The following TNS1 variants were observed in gnomAD, a reference collection of about 807,000 sequenced individuals.
TNS1 encodes tensin 1, also known as tensin-1.
Under a neutral mutation model 168.6 loss-of-function variants are expected in TNS1, and 62 were observed. The observed-to-expected ratio is 0.37, with a 90% CI of 0.30 to 0.45. The LOEUF is 0.45. TNS1 is among the 20% of genes least tolerant of loss of function. The pLI, the probability that TNS1 is intolerant of heterozygous loss-of-function variation, is 1.00. For synonymous variants in TNS1, 934 were observed against 933.2 expected (o/e 1.00, Z -0.02); for missense variants, 2,240 against 2,339.4 (o/e 0.96, Z 0.88).
intron 1 of TNS1, among the ~76,000 whole-genome samples, chr2:217,994,981 G>T (rs1958441882): frequency 6.6e-6 from 1 of 152,206 alleles, no homozygotes; most frequent in Non-Finnish European, 1.5e-5. Context: ...ATGAAAATGA[G>T]GAGTTTGGAC....
intron 12 of TNS1, among the ~76,000 whole-genome samples, chr2:217,888,149 C>T (rs1398900776): frequency 6.6e-6 from 1 of 152,226 alleles, no homozygotes; most frequent in Non-Finnish European, 1.5e-5. Flanking sequence ...ATTACTCAAG[C>T]CGGAAACCTG....
chr2:217,937,706 C>A (rs1956695827), intron 3 of TNS1, among the ~76,000 whole-genome samples: 7 of 152,118 alleles, frequency 4.6e-5, no homozygotes, highest in Admixed American at 4.6e-4. Flanking sequence ...CCCACCCCTG[C>A]ACCTTTCAGC....
intron 3 of TNS1, among the ~76,000 whole-genome samples, chr2:217,949,595 C>T (rs913902322): frequency 6.6e-6 from 1 of 152,180 alleles, no homozygotes; most frequent in African/African-American, 2.4e-5. Flanking sequence ...TCCTAGCCAG[C>T]AAGCAAAGGG....
intron 3 of TNS1, among the ~76,000 whole-genome samples, chr2:217,953,202 G>T (rs1327003652): frequency 6.6e-6 from 1 of 152,176 alleles, no homozygotes; most frequent in East Asian, 1.9e-4. Flanking sequence ...TGGGCTCCAG[G>T]AGCAGCACAG....
chr2:217,863,742 A>G (rs569865094), intron 18 of TNS1, among the ~76,000 whole-genome samples: 2 of 152,304 alleles, frequency 1.3e-5, no homozygotes. Context: ...ACAGCCATCA[A>G]GGAAGAGAAA....
chr2:217,932,964 C>T (rs556263359), intron 3 of TNS1, among the ~76,000 whole-genome samples: 6 of 152,268 alleles, frequency 3.9e-5, no homozygotes, highest in African/African-American at 1.4e-4. Flanking sequence ...GCACCAGGAG[C>T]CCCCGCAAGC....
At chr2:217,824,028 G>A (rs1943258846) in intron 22 of TNS1, among the ~76,000 whole-genome samples, 1 of 152,178 alleles carries the variant, frequency 6.6e-6, no homozygotes, top group Admixed American at 6.5e-5. Context: ...ACACTTTTTT[G>A]TAAAGACTTA....
intron 18 of TNS1, among the ~76,000 whole-genome samples, chr2:217,851,390 C>T (rs991857072): frequency 6.7e-6 from 1 of 150,342 alleles, no homozygotes; most frequent in Non-Finnish European, 1.5e-5. Context: ...AGCCATGTTA[C>T]AACACAGAGA....
At chr2:217,981,209 G>A (rs988802924) in intron 2 of TNS1, among the ~76,000 whole-genome samples, 1 of 152,202 alleles carries the variant, frequency 6.6e-6, no homozygotes, top group African/African-American at 2.4e-5. Flanking sequence ...CCAGCCCCAG[G>A]GACACACAGC....
chr2:217,915,718 G>A (rs968080250), intron 4 of TNS1, among the ~76,000 whole-genome samples: 2 of 152,168 alleles, frequency 1.3e-5, no homozygotes, highest in Admixed American at 6.5e-5. Context: ...GGCAGCCTGG[G>A]GAGAAACACA....
intron 19 of TNS1, among the ~76,000 whole-genome samples, chr2:217,839,675 C>T (rs1471617086): frequency 6.6e-6 from 1 of 152,176 alleles, no homozygotes; most frequent in Non-Finnish European, 1.5e-5. Context: ...CCCTGGATCA[C>T]GTGACGAGTA....
chr2:217,900,320 T>C (rs1351620882), intron 7 of TNS1, 143 bp downstream of exon 7: 2 of 897,528 alleles, frequency 2.2e-6, no homozygotes, highest in African/African-American at 1.7e-5. Flanking sequence ...CATCCTCTCC[T>C]GTGCCTTTCA....
intron 2 of TNS1, among the ~76,000 whole-genome samples, chr2:217,988,973 C>T (rs1402055502): frequency 6.6e-6 from 1 of 152,192 alleles, no homozygotes; most frequent in Non-Finnish European, 1.5e-5. Context: ...GAGGCCCAGC[C>T]TCCCAGCCTG....
At chr2:218,011,995 A>T (rs1392146571), upstream of TNS1, among the ~76,000 whole-genome samples, 11 of 152,146 alleles carry the variant, frequency 7.2e-5, no homozygotes, top group Non-Finnish European at 1.3e-4. Flanking sequence ...CACTAAAGTG[A>T]GCCCATCTCC....
chr2:217,836,723 G>A (rs75332772), intron 19 of TNS1, among the ~76,000 whole-genome samples: 1,818 of 152,276 alleles, frequency 0.012, 44 homozygotes, highest in African/African-American at 0.041. Flanking sequence ...CCCAGCCCCA[G>A]TTGGCCTCTG....
chr2:217,874,230 G>A (rs940269915), intron 18 of TNS1, among the ~76,000 whole-genome samples: 4 of 152,182 alleles, frequency 2.6e-5, no homozygotes, highest in African/African-American at 9.7e-5. Context: ...AAGGGCAGTA[G>A]TATACAAAAC....
At chr2:217,805,485 C>G (rs1574520664) in intron 32 of TNS1, among the ~76,000 whole-genome samples, 1 of 50,050 alleles carries the variant, frequency 2.0e-5, no homozygotes, top group African/African-American at 7.5e-5. Flanking sequence ...CCACACACAC[C>G]ACACACACAC....
chr2:217,959,427 G>A (rs911934581), intron 3 of TNS1, among the ~76,000 whole-genome samples: 2 of 151,206 alleles, frequency 1.3e-5, no homozygotes, highest in Admixed American at 6.6e-5. Context: ...GGAACCTGGT[G>A]CCTTAGCATG....
At chr2:217,810,097 C>G (rs1940556532) in intron 29 of TNS1, 106 bp from the exon 30 acceptor site, 2 of 1,485,424 alleles carry the variant, frequency 1.3e-6, no homozygotes, top group South Asian at 2.5e-5. Flanking sequence ...TTCAGGCTAG[C>G]CTTGAGCCAA....
Sources: gnomAD v4.1 joint callset for allele counts (sites outside exome capture counted in the v4.1 genomes callset) on GRCh38, gnomAD v4.1.1 for gene constraint, MANE v1.5 for transcripts, NCBI Gene and HGNC (gene_info 2026-07-23, HGNC 2026-07-21) for gene names.